Variants in AFF2 observed in about 807,000 individuals in gnomAD.
The protein encoded by AFF2 is AF4/FMR2 family member 2.
AFF2 carries 14 observed loss-of-function variants against 76.9 expected under a neutral mutation model. The ratio of observed to expected loss-of-function variants is 0.18; its 90% CI spans 0.12 to 0.28. The LOEUF (loss-of-function observed/expected upper bound fraction) is 0.28, where lower values mean the gene tolerates loss of function less well. Among genes scored for constraint, AFF2 ranks in the 10% least tolerant of loss-of-function variants. The pLI is 1.00. For missense variants in AFF2, 868 were observed against 1,001.1 expected, an observed-to-expected ratio of 0.87 and a Z score of 1.79; for synonymous variants, 398 against 366.7, an observed-to-expected ratio of 1.09 and a Z score of -0.98.
At chrX:148,568,206 A>T (rs782450150) in intron 1 of AFF2, among the ~76,000 whole-genome samples, 4 of 111,740 alleles carry the variant, frequency 3.6e-5, no homozygotes, top group Non-Finnish European at 7.5e-5. Context: ...AGGCCTTTAA[A>T]CATGCTCTTT....
chrX:148,687,818 C>A (rs1282535676), intron 3 of AFF2, among the ~76,000 whole-genome samples: 1 of 110,676 alleles, frequency 9.0e-6, no homozygotes, highest in Non-Finnish European at 1.9e-5. Flanking sequence ...TATGGTAAGT[C>A]ATTCCTTTTT....
chrX:148,603,662 G>A (rs1374795140), intron 1 of AFF2, among the ~76,000 whole-genome samples: 2 of 109,928 alleles, frequency 1.8e-5, no homozygotes, highest in African/African-American at 6.6e-5. Context: ...TCAGTGGGTT[G>A]ATTCAGATCT....
chrX:148,598,786 C>T (rs5980544), intron 1 of AFF2, among the ~76,000 whole-genome samples: 3,794 of 112,322 alleles, frequency 0.034, 171 homozygotes, highest in African/African-American at 0.12. Flanking sequence ...TGAACGATTT[C>T]GTTCTTGTTA....
intron 3 of AFF2, among the ~76,000 whole-genome samples, chrX:148,723,473 A>C (rs1268191940): frequency 9.0e-6 from 1 of 111,250 alleles, no homozygotes; most frequent in East Asian, 2.8e-4. Flanking sequence ...TGAATTATTG[A>C]GAGCACATTA....
At chrX:148,714,821 G>A (rs1305925841) in intron 3 of AFF2, among the ~76,000 whole-genome samples, 4 of 111,580 alleles carry the variant, frequency 3.6e-5, no homozygotes, top group African/African-American at 1.3e-4. Context: ...CAGAGTAAAT[G>A]CTTACTGCAT....
chrX:148,911,075 T>TTATATATA (rs35222291), intron 9 of AFF2, among the ~76,000 whole-genome samples: 23 of 104,337 alleles, frequency 2.2e-4, no homozygotes, highest in African/African-American at 7.4e-4. Flanking sequence ...TGCACATAAA[T>TTATATATA]TATATATATA....
chrX:148,724,153 T>G (rs1188940755), intron 3 of AFF2, among the ~76,000 whole-genome samples: 1 of 110,761 alleles, frequency 9.0e-6, no homozygotes, highest in Non-Finnish European at 1.9e-5. Context: ...CCAAGGCTCA[T>G]GATGGCCATG....
chrX:148,854,759 A>G (rs1033600147), intron 7 of AFF2, among the ~76,000 whole-genome samples: 3 of 111,462 alleles, frequency 2.7e-5, no homozygotes, highest in African/African-American at 9.8e-5. Flanking sequence ...GGCACTTGCA[A>G]TTTCAGGAAT....
intron 1 of AFF2, among the ~76,000 whole-genome samples, chrX:148,577,301 GCA>G (rs1181449717): frequency 1.8e-5 from 2 of 111,977 alleles, no homozygotes; most frequent in Non-Finnish European, 3.8e-5. Flanking sequence ...GTGTGTGCGC[GCA>G]CACACGTGCG....
chrX:148,881,251 A>G (rs144706835), intron 7 of AFF2, among the ~76,000 whole-genome samples: 129 of 111,977 alleles, frequency 1.2e-3, no homozygotes, highest in Non-Finnish European at 1.9e-3. Context: ...TTCTGGATCA[A>G]CTAGGAGCCT....
At chrX:148,803,757 C>T (rs1444632234) in intron 3 of AFF2, among the ~76,000 whole-genome samples, 1 of 111,359 alleles carries the variant, frequency 9.0e-6, no homozygotes, top group Non-Finnish European at 1.9e-5. Context: ...TCTGCATATG[C>T]ATTCCACCGT....
intron 3 of AFF2, among the ~76,000 whole-genome samples, chrX:148,780,310 G>C (rs1487279789): frequency 8.9e-6 from 1 of 111,817 alleles, no homozygotes; most frequent in Non-Finnish European, 1.9e-5. Flanking sequence ...GTAGGTTGGG[G>C]AGGTTCTCCT....
chrX:148,658,382 A>G (rs557464879), intron 2 of AFF2, among the ~76,000 whole-genome samples: 22 of 111,989 alleles, frequency 2.0e-4, no homozygotes, highest in African/African-American at 5.8e-4. Context: ...CAATTGCTCT[A>G]TGAGGAAACT....
intron 1 of AFF2, among the ~76,000 whole-genome samples, chrX:148,613,727 C>G (rs971241456): frequency 9.0e-6 from 1 of 111,680 alleles, no homozygotes; most frequent in Non-Finnish European, 1.9e-5. Context: ...CTCTCTCTCT[C>G]TCTTTGAAAT....
At chrX:148,793,562 A>T (rs1408531281) in intron 3 of AFF2, among the ~76,000 whole-genome samples, 1 of 111,934 alleles carries the variant, frequency 8.9e-6, no homozygotes, top group Non-Finnish European at 1.9e-5. Context: ...TTCCAATAGA[A>T]GAAGCTCGAT....
chrX:148,611,064 C>T (rs1603257414), intron 1 of AFF2, among the ~76,000 whole-genome samples: 1 of 111,636 alleles, frequency 9.0e-6, no homozygotes, highest in East Asian at 2.8e-4. Context: ...CCCAGTATTC[C>T]TAGCAGAGAC....
At chrX:148,962,115 T>A (rs1309333347) in intron 12 of AFF2, among the ~76,000 whole-genome samples, 2 of 113,015 alleles carry the variant, frequency 1.8e-5, no homozygotes, top group Admixed American at 9.3e-5. Context: ...TACTTCAGTA[T>A]AACAATTTAA....
At chrX:148,594,985 C>G (rs1557247112) in intron 1 of AFF2, among the ~76,000 whole-genome samples, 1 of 111,473 alleles carries the variant, frequency 9.0e-6, no homozygotes, top group Admixed American at 9.5e-5. Flanking sequence ...AGAATGCTGG[C>G]AGCAAGGATT....
intron 3 of AFF2, among the ~76,000 whole-genome samples, chrX:148,770,732 A>G (rs782178243): frequency 1.8e-3 from 206 of 112,065 alleles, no homozygotes; most frequent in Middle Eastern, 0.014. Context: ...TTTAATGCAG[A>G]TACTTCCTTG....
Sources: gnomAD v4.1 joint callset for allele counts (sites outside exome capture counted in the v4.1 genomes callset) on GRCh38, gnomAD v4.1.1 for gene constraint, MANE v1.5 for transcripts, NCBI Gene and HGNC (gene_info 2026-07-23, HGNC 2026-07-21) for gene names.